DLG2: variants seen among roughly 807,000 people sequenced by gnomAD.
DLG2 encodes the protein disks large homolog 2.
Under a neutral mutation model 132.5 loss-of-function variants are expected in DLG2, and 45 were observed. The ratio of observed to expected loss-of-function variants is 0.34; its 90% confidence interval spans 0.27 to 0.44. The LOEUF is 0.44. DLG2 is among the 20% of genes least tolerant of loss of function. DLG2 has a pLI of 1.00. For synonymous variants in DLG2, 424 were observed against 419.6 expected, an observed-to-expected ratio of 1.01 and a Z score of -0.13; for missense variants, 1,045 against 1,196.9, an observed-to-expected ratio of 0.87 and a Z score of 1.87.
intron 6 of DLG2, among the ~76,000 whole-genome samples, chr11:84,774,290 CAG>C (rs2069994183): frequency 6.6e-6 from 1 of 151,660 alleles, no homozygotes; most frequent in African/African-American, 2.4e-5. Flanking sequence ...AAAAAAACAA[CAG>C]ATGACAAAAA....
chr11:85,000,790 T>C (rs1251338399), intron 6 of DLG2, among the ~76,000 whole-genome samples: 1 of 152,182 alleles, frequency 6.6e-6, no homozygotes, highest in Non-Finnish European at 1.5e-5. Flanking sequence ...GCTTCACCAA[T>C]ATGGCTCTGA....
intron 3 of DLG2, among the ~76,000 whole-genome samples, chr11:85,560,247 A>G (rs944837401): frequency 2.0e-5 from 3 of 151,860 alleles, no homozygotes; most frequent in African/African-American, 7.2e-5. Flanking sequence ...ACCAAAGACA[A>G]AAGAATACAC....
At chr11:83,740,609 C>G (rs2092426882) in intron 18 of DLG2, among the ~76,000 whole-genome samples, 1 of 152,082 alleles carries the variant, frequency 6.6e-6, no homozygotes, top group Admixed American at 6.6e-5. Context: ...CTGTATACTT[C>G]TGATTTGTGC....
chr11:84,429,431 G>A (rs1034642390), intron 7 of DLG2, among the ~76,000 whole-genome samples: 2 of 152,160 alleles, frequency 1.3e-5, no homozygotes, highest in African/African-American at 4.8e-5. Flanking sequence ...CAGGCCTACT[G>A]ACCTCTAATC....
chr11:85,461,277 C>T (rs1360903318), intron 3 of DLG2, among the ~76,000 whole-genome samples: 4 of 152,142 alleles, frequency 2.6e-5, no homozygotes, highest in Non-Finnish European at 5.9e-5. Context: ...TTATATACTC[C>T]ATTTGAATGT....
intron 4 of DLG2, among the ~76,000 whole-genome samples, chr11:85,163,206 TACAC>T (rs776985320): frequency 4.9e-4 from 72 of 148,276 alleles, no homozygotes; most frequent in African/African-American, 1.7e-3. Context: ...TTATATATAT[TACAC>T]ACACACACAC....
intron 6 of DLG2, among the ~76,000 whole-genome samples, chr11:84,860,596 A>G (rs1566178991): frequency 6.6e-6 from 1 of 152,142 alleles, no homozygotes; most frequent in Non-Finnish European, 1.5e-5. Context: ...TTGACTGGTA[A>G]AGAAATTCAT....
intron 6 of DLG2, among the ~76,000 whole-genome samples, chr11:84,709,206 A>G (rs2060105748): frequency 6.6e-6 from 1 of 151,930 alleles, no homozygotes; most frequent in African/African-American, 2.4e-5. Context: ...TATCTAGCAA[A>G]GTGATGGCAC....
intron 6 of DLG2, among the ~76,000 whole-genome samples, chr11:84,747,211 G>A (rs1350123119): frequency 6.6e-6 from 1 of 152,018 alleles, no homozygotes; most frequent in Non-Finnish European, 1.5e-5. Flanking sequence ...ATTCCCCAAA[G>A]CTATAAAGGT....
intron 6 of DLG2, among the ~76,000 whole-genome samples, chr11:84,948,637 AAC>A (rs1313033414): frequency 7.2e-5 from 11 of 152,240 alleles, no homozygotes; most frequent in Non-Finnish European, 1.5e-4. Flanking sequence ...CAATGTCAGA[AAC>A]ACCTTGTTTT....
rs2074463067 is a variant in DLG2, at chr11:85,523,303, G to T, written c.40+75354C>A. 2.0e-5 allele frequency among the ~76,000 whole-genome samples: 3 copies of T among 152,072 alleles called. No individual in the cohort carries two copies. In the South Asian group the frequency reaches 6.2e-4, roughly 32 times the overall value. ...TGATTATAAGTTTCCTTTAATAGCAGTGTGGAAACAGACTAATACTCTATC... is the reference window on the plus strand; with the variant it reads ...TGATTATAAGTTTCCTTTAATAGCATTGTGGAAACAGACTAATACTCTATC... On this transcript the variant is annotated intron_variant, in intron 3 of 27. Transcript: ENST00000376104.
intron 3 of DLG2, among the ~76,000 whole-genome samples, chr11:85,465,073 CAAAAAAAAAAAAAAAAAAAAAAAA>C (rs1157088846): frequency 6.8e-3 from 117 of 17,140 alleles, no homozygotes; most frequent in East Asian, 0.036. Flanking sequence ...AACTCTGCCT[CAAAAAAAAAAAAAAAAAAAAAAAA>C]AAAAAAAAAA....
intron 7 of DLG2, among the ~76,000 whole-genome samples, chr11:84,409,893 C>G (rs1351135902): frequency 6.6e-6 from 1 of 152,152 alleles, no homozygotes; most frequent in African/African-American, 2.4e-5. Context: ...AGAGCACAGA[C>G]CATACAAGCA....
At chr11:83,838,754 T>C (rs7124506) in intron 16 of DLG2, among the ~76,000 whole-genome samples, 110,697 of 151,412 alleles carry the variant, frequency 0.73, 41,698 homozygotes, top group African/African-American at 0.92. Context: ...TAGTTTGCCA[T>C]AGTCCTGACC....
rs185208374 is a variant in DLG2, at chr11:85,367,963, A to C, written c.41-82598T>G. ...TAAACTATATTCATAAATGAGATTA[A>C]TCTGTATTTTCTTTTAGTGTTCAGT... On this transcript the variant is annotated intron_variant, in intron 3 of 27. Coordinates refer to ENST00000376104, the MANE Select transcript of DLG2 (RefSeq NM_001142699.3). Among the ~76,000 whole-genome samples, 8 of 152,230 alleles carry C rather than the reference A, an allele frequency of 5.3e-5. No individual in the cohort carries two copies. In the East Asian group the frequency reaches 1.5e-3, roughly 29 times the overall value.
intron 6 of DLG2, among the ~76,000 whole-genome samples, chr11:85,074,208 G>A (rs1371690780): frequency 1.3e-5 from 2 of 151,808 alleles, no homozygotes; most frequent in African/African-American, 2.4e-5. Flanking sequence ...AATTTACCTA[G>A]ATAAAAAGCC....
At chr11:83,776,817 G>T (rs2094599294) in intron 18 of DLG2, among the ~76,000 whole-genome samples, 1 of 152,142 alleles carries the variant, frequency 6.6e-6, no homozygotes, top group South Asian at 2.1e-4. Context: ...TCAGATTAAA[G>T]AAAGTATTAT....
intron 7 of DLG2, among the ~76,000 whole-genome samples, chr11:84,411,823 A>G (rs949220724): frequency 6.6e-6 from 1 of 152,214 alleles, no homozygotes; most frequent in Non-Finnish European, 1.5e-5. Flanking sequence ...TAAGCTTACA[A>G]ATCCTAGAAA....
intron 7 of DLG2, among the ~76,000 whole-genome samples, chr11:84,500,800 T>C (rs2099201944): frequency 6.6e-6 from 1 of 152,182 alleles, no homozygotes. Flanking sequence ...CACAGTGTAG[T>C]ATAAATATTG....
Sources: allele counts gnomAD v4.1 joint callset (sites outside exome capture counted in the v4.1 genomes callset), GRCh38; gene constraint gnomAD v4.1.1; transcripts MANE v1.5; gene names NCBI Gene and HGNC (gene_info 2026-07-23, HGNC 2026-07-21).